Variants in FAM169A observed in about 807,000 individuals in gnomAD.
FAM169A encodes soluble lamin-associated protein of 75 kDa.
In FAM169A, 24 loss-of-function variants were observed where a neutral mutation model predicts 75.7. That is an observed-to-expected ratio of 0.32 (90% CI 0.23 to 0.45). The LOEUF (loss-of-function observed/expected upper bound fraction) is 0.45, where lower values mean the gene tolerates loss of function less well. Among genes scored for constraint, FAM169A ranks in the 20% least tolerant of loss-of-function variants. The pLI is 1.00. For synonymous variants in FAM169A, 271 were observed against 271.0 expected (o/e 1.00, Z 0.00); for missense variants, 673 against 784.0 (o/e 0.86, Z 1.69).
intron 11 of FAM169A, among the ~76,000 whole-genome samples, chr5:74,792,622 T>C (rs1469896502): frequency 1.3e-5 from 2 of 152,146 alleles, no homozygotes; most frequent in Admixed American, 1.3e-4. Flanking sequence ...CTCCCCTTTA[T>C]ATACATCTAT....
chr5:74,861,584 G>A (rs557684051), intron 1 of FAM169A, among the ~76,000 whole-genome samples: 1 of 152,194 alleles, frequency 6.6e-6, no homozygotes, highest in Non-Finnish European at 1.5e-5. Context: ...GCGTGCTGAT[G>A]GGCACCTGTA....
chr5:74,824,233 G>C (rs1193358240), intron 5 of FAM169A, among the ~76,000 whole-genome samples: 2 of 152,104 alleles, frequency 1.3e-5, no homozygotes, highest in African/African-American at 4.8e-5. Flanking sequence ...TTGGATCAAG[G>C]CAATTGACAG....
chr5:74,822,162 A>C (rs1747796497), intron 5 of FAM169A, among the ~76,000 whole-genome samples: 1 of 152,200 alleles, frequency 6.6e-6, no homozygotes, highest in African/African-American at 2.4e-5. Flanking sequence ...GGATGTAAAT[A>C]CTGGGAAGTG....
intron 5 of FAM169A, among the ~76,000 whole-genome samples, chr5:74,815,632 C>A (rs187159644): frequency 6.6e-6 from 1 of 152,146 alleles, no homozygotes; most frequent in East Asian, 1.9e-4. Context: ...GAGGCTGAGA[C>A]CTACTGGGTT....
At chr5:74,812,852 A>C (rs1023415015) in intron 6 of FAM169A, among the ~76,000 whole-genome samples, 5 of 152,228 alleles carry the variant, frequency 3.3e-5, no homozygotes, top group African/African-American at 1.2e-4. Context: ...TACACAGATA[A>C]TAACAAATGT....
intron 5 of FAM169A, among the ~76,000 whole-genome samples, chr5:74,829,595 T>C (rs1236424803): frequency 1.3e-5 from 2 of 151,908 alleles, no homozygotes; most frequent in Non-Finnish European, 2.9e-5. Flanking sequence ...GAGGTTGAGG[T>C]TGTAGTGAGC....
At chr5:74,821,723 G>A (rs530648658) in intron 5 of FAM169A, among the ~76,000 whole-genome samples, 6 of 152,276 alleles carry the variant, frequency 3.9e-5, no homozygotes, top group South Asian at 2.1e-4. Context: ...GGAAGTGGAT[G>A]GTTTCCTCCT....
chr5:74,840,373 A>G (rs1748794393), intron 2 of FAM169A, among the ~76,000 whole-genome samples, 200 bp from the exon 3 acceptor site: 1 of 152,134 alleles, frequency 6.6e-6, no homozygotes, highest in Admixed American at 6.6e-5. Context: ...TAGGGAAAAT[A>G]TGAAAAGTTG....
chr5:74,865,522 C>T (rs1457120526), intron 1 of FAM169A: 1 of 152,232 alleles, frequency 6.6e-6, no homozygotes. Context: ...CCATAAACCA[C>T]CCAGGGTTCA....
intron 5 of FAM169A, 53 bp from the exon 6 acceptor site, chr5:74,814,072 T>C (rs1747345592): frequency 7.3e-7 from 1 of 1,376,128 alleles, no homozygotes; most frequent in Non-Finnish European, 9.7e-7. Flanking sequence ...AAAATATACA[T>C]ACATTTAGTG....
chr5:74,811,934 G>A (rs867749996), intron 6 of FAM169A, among the ~76,000 whole-genome samples: 5 of 152,236 alleles, frequency 3.3e-5, no homozygotes, highest in African/African-American at 4.8e-5. Context: ...GAATACACAC[G>A]TATGTATTAC....
At chr5:74,793,405 C>A (rs1285764826) in intron 11 of FAM169A, among the ~76,000 whole-genome samples, 1 of 151,626 alleles carries the variant, frequency 6.6e-6, no homozygotes, top group Non-Finnish European at 1.5e-5. Flanking sequence ...ATGGCATTCA[C>A]AGCAACCTGC....
Position 74,805,253 on chromosome 5 carries a change from T to C in FAM169A, c.702A>G (p.Gly234=), listed in dbSNP as rs183148075. The C allele has an allele frequency of 8.9e-5, 144 of 1,613,748 alleles. 1 individual carries two copies. The African/African-American group carries it at 1.8e-3, about 20-fold the overall frequency. ...CAACTTCCCAAAGGAGTTCATGGTC[T>C]CCTGGATACTTCTCAAAGTATTGCT... is the stretch of plus-strand genomic sequence containing the variant. ...ACKQYFEKYP[G]DHELLWEVEG... Residue 234 remains glycine (G), a synonymous_variant, in exon 7 of 13, where the codon GGA becomes GGG. Transcript: ENST00000687041.
In FAM169A at chr5:74,834,449, C is replaced by A; in HGVS notation, c.467G>T (p.Gly156Val). ...ACCTGTAGGCTTAACTGAATAAAAC[C>A]CAATGGCCTCTCCTTTCTTCCACAG... The part of the protein sequence containing the change: ...KILWKKGEAI[G>V]FYSVKPTGSI... Residue 156 changes from glycine to valine, a missense_variant, in exon 5 of 13, where the codon GGG becomes GTG. By Grantham distance (109) the Gly-to-Val change is moderately radical. This residue lies in a region of FAM169A where 107 missense variants were observed against 180.8 expected (regional missense o/e 0.59). Coordinates refer to ENST00000687041, the MANE Select transcript of FAM169A (RefSeq NM_001376049.1). 2 of 1,549,162 alleles carry A rather than the reference C, an allele frequency of 1.3e-6. No homozygotes were observed. The highest frequency in any genetic ancestry group is 2.5e-5 in the South Asian group (2 of 79,632).
chr5:74,782,132 G>A (rs1745444347), intron 12 of FAM169A, 124 bp from the exon 13 acceptor site: 1 of 723,290 alleles, frequency 1.4e-6, no homozygotes, highest in Admixed American at 2.9e-5. Context: ...TCAAAATCGA[G>A]TATTTTTTTG....
chr5:74,787,560 T>G (rs1050127809), intron 11 of FAM169A, among the ~76,000 whole-genome samples: 2 of 152,208 alleles, frequency 1.3e-5, no homozygotes, highest in African/African-American at 4.8e-5. Context: ...CTATGATTAC[T>G]CTTCTCTGTA....
intron 1 of FAM169A, among the ~76,000 whole-genome samples, chr5:74,850,628 A>G (rs1749393966): frequency 6.6e-6 from 1 of 152,194 alleles, no homozygotes; most frequent in South Asian, 2.1e-4. Flanking sequence ...GAACATACAG[A>G]ACACATAGAG....
At chr5:74,848,857 G>A (rs919710123) in intron 1 of FAM169A, 1 of 152,176 alleles carries the variant, frequency 6.6e-6, no homozygotes, top group Non-Finnish European at 1.5e-5. Flanking sequence ...AGGTTGCTAT[G>A]ATAAATCCCT....
Position 74,841,666 on chromosome 5 carries a change from G to A in FAM169A, c.11C>T (p.Pro4Leu), listed in dbSNP as rs1359267728. The change falls in exon 2 of 13, where the codon CCT becomes CTT. Residue 4 changes from proline (P) to leucine (L), a missense_variant. Coordinates refer to ENST00000687041, the MANE Select transcript of FAM169A (RefSeq NM_001376049.1). ...GCTGCAATTTTCCAGCATATCCACAGGGAATGCCATCCTCTTTAACAAACA... is the reference window on the plus strand; with the variant it reads ...GCTGCAATTTTCCAGCATATCCACAAGGAATGCCATCCTCTTTAACAAACA... MAFPVDMLENCSHE... is the reference protein window; with the variant it reads MAFLVDMLENCSHE... 6.2e-7 allele frequency: 1 copy of A among 1,612,722 alleles called. No homozygotes were observed. The highest frequency in any genetic ancestry group is 1.1e-5 in the South Asian group (1 of 90,976).
Sources: allele counts gnomAD v4.1 joint callset (sites outside exome capture counted in the v4.1 genomes callset), GRCh38; gene constraint gnomAD v4.1.1; regional missense constraint gnomAD v4.1.1; transcripts MANE v1.5; gene names NCBI Gene and HGNC (gene_info 2026-07-23, HGNC 2026-07-21).